Variants in AUTS2 observed in about 807,000 individuals in gnomAD.
The protein encoded by AUTS2 is autism susceptibility gene 2 protein.
AUTS2 carries 17 observed loss-of-function variants against 112.4 expected under a neutral mutation model. The ratio of observed to expected loss-of-function variants is 0.15; its 90% CI spans 0.10 to 0.23. AUTS2 has a LOEUF of 0.23. Ranked by LOEUF, AUTS2 falls within the 10% of genes least tolerant of loss-of-function variation. The probability of loss-of-function intolerance (pLI) is 1.00; values close to 1 mark genes in which losing one functional copy is unlikely to be tolerated. For missense variants in AUTS2, 1,510 were observed against 1,701.6 expected (o/e 0.89, Z 1.98); for synonymous variants, 751 against 702.7 (o/e 1.07, Z -1.09).
intron 14 of AUTS2, among the ~76,000 whole-genome samples, chr7:70,778,639 A>G (rs1790864551): frequency 6.6e-6 from 1 of 151,936 alleles, no homozygotes; most frequent in African/African-American, 2.4e-5. Flanking sequence ...TCAGTAAATG[A>G]GGTCACTAAG....
At chr7:69,936,582 C>A (rs1171394027) in intron 2 of AUTS2, among the ~76,000 whole-genome samples, 1 of 152,140 alleles carries the variant, frequency 6.6e-6, no homozygotes, top group Non-Finnish European at 1.5e-5. Flanking sequence ...ATCTCCTGAC[C>A]TCGTAATCCA....
At chr7:70,008,349 A>G (rs905132430) in intron 2 of AUTS2, among the ~76,000 whole-genome samples, 5 of 152,132 alleles carry the variant, frequency 3.3e-5, no homozygotes, top group Non-Finnish European at 7.4e-5. Context: ...CTTTGAATTT[A>G]TTTTATTGAT....
chr7:70,684,030 G>A (rs1020817744), intron 5 of AUTS2, among the ~76,000 whole-genome samples: 4 of 151,954 alleles, frequency 2.6e-5, no homozygotes, highest in African/African-American at 9.7e-5. Flanking sequence ...CCCAGCAAGT[G>A]TATGATTCCC....
intron 5 of AUTS2, among the ~76,000 whole-genome samples, chr7:70,443,617 T>A (rs142135443): frequency 4.6e-5 from 7 of 152,184 alleles, no homozygotes; most frequent in Admixed American, 6.5e-5. Context: ...CTCGGGTATA[T>A]GTGTGTGTAC....
At chr7:70,603,620 C>T (rs899363119) in intron 5 of AUTS2, among the ~76,000 whole-genome samples, 12 of 152,182 alleles carry the variant, frequency 7.9e-5, no homozygotes, top group African/African-American at 7.2e-5. Flanking sequence ...AATTATTCAT[C>T]AACCTCAGAT....
rs560839319 is a variant in AUTS2 at position 69,725,338 on chromosome 7, G to T, written c.309+125376G>T. Among the ~76,000 whole-genome samples, 15 of 152,296 alleles carry T rather than the reference G, an allele frequency of 9.8e-5. 1 individual carries two copies. The South Asian group carries it at 3.1e-3, about 32-fold the overall frequency. ...TGAGCATGCAAATAGATGGCTGTAA[G>T]AATGTGATGGGCATGCCATTTTTTC... On this transcript the variant is annotated intron_variant, in intron 1 of 18. Transcript: ENST00000342771.
At chr7:69,741,403 T>TTAACTTTA (rs1787256928) in intron 1 of AUTS2, among the ~76,000 whole-genome samples, 2 of 152,146 alleles carry the variant, frequency 1.3e-5, no homozygotes, top group Admixed American at 6.5e-5. Flanking sequence ...ACATATACTT[T>TTAACTTTA]TAAGTCTAAA....
intron 4 of AUTS2, among the ~76,000 whole-genome samples, chr7:70,305,825 A>G (rs1427822178): frequency 6.6e-6 from 1 of 152,228 alleles, no homozygotes; most frequent in Non-Finnish European, 1.5e-5. Flanking sequence ...CCTTTATAAT[A>G]TGTGTACATC....
In AUTS2 at chr7:70,225,370, G is replaced by A. The variant is rs1409506312; in HGVS notation, c.660+90799G>A. 2.6e-5 allele frequency among the ~76,000 whole-genome samples: 4 copies of A among 152,182 alleles called. No individual in the cohort carries two copies. The East Asian group carries it at 7.7e-4, about 29-fold the overall frequency. On this transcript the variant is annotated intron_variant, in intron 4 of 18. Transcript: ENST00000342771. ...TTCAGAGCTATAAGGTTCCTGAAAA[G>A]TTTATGTAGAAATGTTGTTTTTAGT...
intron 1 of AUTS2, among the ~76,000 whole-genome samples, chr7:69,654,160 C>T (rs2129136475): frequency 6.6e-6 from 1 of 152,266 alleles, no homozygotes; most frequent in East Asian, 1.9e-4. Context: ...CTTTTCTTGC[C>T]CAATTTGCCA....
At chr7:70,090,714 G>A (rs904260084) in intron 2 of AUTS2, among the ~76,000 whole-genome samples, 4 of 130,182 alleles carry the variant, frequency 3.1e-5, no homozygotes, top group African/African-American at 1.2e-4. Context: ...GCGGAGTCTC[G>A]GTCACCCAGA....
At chr7:69,752,489 CT>C (rs1241519436) in intron 1 of AUTS2, among the ~76,000 whole-genome samples, 3 of 152,174 alleles carry the variant, frequency 2.0e-5, no homozygotes, top group East Asian at 1.9e-4. Flanking sequence ...ATAACTGCCC[CT>C]GAATGTGTTT....
intron 2 of AUTS2, among the ~76,000 whole-genome samples, chr7:69,973,037 A>G (rs1479349633): frequency 1.3e-5 from 2 of 150,320 alleles, no homozygotes; most frequent in South Asian, 2.1e-4. Flanking sequence ...GGTTTTGGGA[A>G]TTTTTTTTTT....
intron 2 of AUTS2, among the ~76,000 whole-genome samples, chr7:70,047,837 T>A (rs1268666158): frequency 6.6e-6 from 1 of 152,160 alleles, no homozygotes; most frequent in Non-Finnish European, 1.5e-5. Flanking sequence ...AAATGTAAGA[T>A]GATGATGGTT....
chr7:70,738,513 G>C (rs1787907700), intron 6 of AUTS2, among the ~76,000 whole-genome samples: 2 of 151,724 alleles, frequency 1.3e-5, no homozygotes, highest in South Asian at 4.2e-4. Context: ...TCTTTTGAGA[G>C]TTGCTTTTAT....
At chr7:70,558,309 A>G (rs958662805) in intron 5 of AUTS2, among the ~76,000 whole-genome samples, 2 of 152,180 alleles carry the variant, frequency 1.3e-5, no homozygotes, top group Non-Finnish European at 2.9e-5. Flanking sequence ...AGTAAGCAGC[A>G]ACTGTTGTGG....
chr7:70,735,962 T>C (rs1312762179), intron 6 of AUTS2, among the ~76,000 whole-genome samples: 1 of 152,094 alleles, frequency 6.6e-6, no homozygotes, highest in African/African-American at 2.4e-5. Context: ...TGATTGACAG[T>C]GGGGATGGAT....
chr7:69,872,675 G>C (rs1793550653), intron 1 of AUTS2, among the ~76,000 whole-genome samples: 1 of 151,328 alleles, frequency 6.6e-6, no homozygotes, highest in East Asian at 1.9e-4. Context: ...AGTATCCTGT[G>C]GTCCATTGCA....
At chr7:69,699,752 C>G (rs1797727545) in intron 1 of AUTS2, among the ~76,000 whole-genome samples, 1 of 147,480 alleles carries the variant, frequency 6.8e-6, no homozygotes, top group Non-Finnish European at 1.5e-5. Context: ...TCAAGCAATT[C>G]TTCTGCCTCA....
Sources: gnomAD v4.1 joint callset for allele counts (sites outside exome capture counted in the v4.1 genomes callset) on GRCh38, gnomAD v4.1.1 for gene constraint, MANE v1.5 for transcripts, NCBI Gene and HGNC (gene_info 2026-07-23, HGNC 2026-07-21) for gene names.